Variants in TSC22D1 observed in about 807,000 individuals in gnomAD.
TSC22D1 encodes TSC22 domain family member 1, also known as TSC22 domain family protein 1.
Under a neutral mutation model 74.2 loss-of-function variants are expected in TSC22D1, and 9 were observed. That is an observed-to-expected ratio of 0.12 (90% confidence interval 0.07 to 0.21). The LOEUF (loss-of-function observed/expected upper bound fraction) is 0.21. Ranked by LOEUF, TSC22D1 falls within the 10% of genes least tolerant of loss-of-function variation. The pLI is 1.00. For synonymous variants in TSC22D1, 586 were observed against 492.5 expected (o/e 1.19, Z -2.51); for missense variants, 1,427 against 1,304.7 (o/e 1.09, Z -1.44).
At chr13:44,521,489 G>A (rs1212292335) in intron 1 of TSC22D1, among the ~76,000 whole-genome samples, 2 of 151,422 alleles carry the variant, frequency 1.3e-5, no homozygotes, top group Non-Finnish European at 2.9e-5. Context: ...CCCTCCACCC[G>A]GTCTTGATAG....
chr13:44,555,798 GA>G (rs984843518), intron 1 of TSC22D1, among the ~76,000 whole-genome samples: 4 of 150,848 alleles, frequency 2.7e-5, no homozygotes, highest in African/African-American at 9.7e-5. Context: ...AAGCTTGAGA[GA>G]AAAGCTTTTT....
chr13:44,540,599 T>G (rs1340597917), intron 1 of TSC22D1, among the ~76,000 whole-genome samples: 2 of 152,210 alleles, frequency 1.3e-5, no homozygotes, highest in Non-Finnish European at 2.9e-5. Flanking sequence ...AAAATCCTTT[T>G]TAAAATGCAT....
At chr13:44,545,027 A>G (rs1881729897) in intron 1 of TSC22D1, among the ~76,000 whole-genome samples, 1 of 152,210 alleles carries the variant, frequency 6.6e-6, no homozygotes, top group Non-Finnish European at 1.5e-5. Flanking sequence ...AGGGTCAAGA[A>G]AACTAAATAT....
chr13:44,489,186 G>A (rs1878586073), intron 1 of TSC22D1, among the ~76,000 whole-genome samples: 1 of 139,884 alleles, frequency 7.1e-6, no homozygotes, highest in Non-Finnish European at 1.5e-5. Flanking sequence ...AATTACTTTT[G>A]AGCCTTACCT....
intron 1 of TSC22D1, among the ~76,000 whole-genome samples, chr13:44,445,201 CAGAG>C (rs1191139468): frequency 6.7e-6 from 1 of 148,706 alleles, no homozygotes; most frequent in East Asian, 2.0e-4. Context: ...TGGAACAAAA[CAGAG>C]AGGTCAAAGA....
At chr13:44,532,226 G>C in intron 1 of TSC22D1, among the ~76,000 whole-genome samples, 1 of 152,112 alleles carries the variant, frequency 6.6e-6, no homozygotes, top group East Asian at 1.9e-4. Flanking sequence ...TTGCAGATAC[G>C]GACTACTAGC....
chr13:44,525,163 A>C (rs1880489563), intron 1 of TSC22D1, among the ~76,000 whole-genome samples: 1 of 152,186 alleles, frequency 6.6e-6, no homozygotes, highest in Non-Finnish European at 1.5e-5. Flanking sequence ...GCCCAGGGGC[A>C]CTGTCCCACA....
intron 1 of TSC22D1, chr13:44,537,126 T>C: frequency 1.1e-6 from 1 of 902,158 alleles, no homozygotes. Flanking sequence ...AAAATATTTA[T>C]TAGATTTCAA....
intron 1 of TSC22D1, chr13:44,474,132 A>T: frequency 3.3e-6 from 2 of 603,080 alleles, no homozygotes; most frequent in Non-Finnish European, 4.2e-6. Context: ...TTAGAAACCA[A>T]CTGCTTTTCA....
chr13:44,552,535 T>C (rs1300438808), intron 1 of TSC22D1, among the ~76,000 whole-genome samples: 1 of 152,184 alleles, frequency 6.6e-6, no homozygotes, highest in Non-Finnish European at 1.5e-5. Flanking sequence ...CTGCAAACCA[T>C]TTACAAAGAC....
chr13:44,521,404 A>C (rs1396589917), intron 1 of TSC22D1, among the ~76,000 whole-genome samples: 1 of 151,894 alleles, frequency 6.6e-6, no homozygotes, highest in Admixed American at 6.6e-5. Context: ...AATACAGCTC[A>C]TTCTTACTGT....
rs555672214 is a variant in TSC22D1 at position 44,535,062 on chromosome 13, C to A, written c.2912+38101G>T. On this transcript the variant is annotated intron_variant, in intron 1 of 2. Transcript: ENST00000458659. ...ACATGTTTCTAAATGCACTCCAAAGCCACACAAAAACAAATTTGTGGTTTA... is the reference window on the plus strand; with the variant it reads ...ACATGTTTCTAAATGCACTCCAAAGACACACAAAAACAAATTTGTGGTTTA... Among the ~76,000 whole-genome samples the A allele has an allele frequency of 2.6e-5, 4 of 152,248 alleles. No individual in the cohort carries two copies. The South Asian group carries it at 8.3e-4, about 32-fold the overall frequency.
chr13:44,534,301 T>C (rs1881023304), intron 1 of TSC22D1, among the ~76,000 whole-genome samples: 1 of 148,314 alleles, frequency 6.7e-6, no homozygotes, highest in Non-Finnish European at 1.5e-5. Flanking sequence ...AGAGGATCAC[T>C]TGGTGAACTA....
chr13:44,501,056 T>TAC (rs564129356), intron 1 of TSC22D1, among the ~76,000 whole-genome samples: 6 of 152,198 alleles, frequency 3.9e-5, no homozygotes, highest in Non-Finnish European at 7.4e-5. Flanking sequence ...TAAAGAACAC[T>TAC]ACATTCTCTG....
In TSC22D1 at chr13:44,574,618, C is replaced by A; in HGVS notation, c.1457G>T (p.Ser486Ile). ...TLSHYTESVG[S>I]GEMGAPTVVV... ...CACAGTAGGGGCTCCCATCTCTCCA[C>A]TTCCCACACTCTCTGTATAGTGACT... Residue 486 changes from serine to isoleucine, a missense_variant, in exon 1 of 3, where the codon AGT becomes ATT. By Grantham distance (142) the Ser-to-Ile change is moderately radical. Coordinates refer to ENST00000458659, the MANE Select transcript of TSC22D1 (RefSeq NM_183422.4). 6.2e-7 allele frequency: 1 copy of A among 1,614,114 alleles called. No individual in the cohort carries two copies. Among genetic ancestry groups the A allele is most frequent in the Non-Finnish European group, 8.5e-7 (1 of 1,180,034 alleles).
At chr13:44,570,830 A>C (rs898968190) in intron 1 of TSC22D1, among the ~76,000 whole-genome samples, 4 of 152,206 alleles carry the variant, frequency 2.6e-5, no homozygotes, top group Admixed American at 6.5e-5. Context: ...AAGGTTTTAA[A>C]AGTTTGTTTT....
At chr13:44,510,727 GA>G (rs1252700962) in intron 1 of TSC22D1, among the ~76,000 whole-genome samples, 3 of 152,044 alleles carry the variant, frequency 2.0e-5, no homozygotes, top group Non-Finnish European at 2.9e-5. Context: ...TGAGTAGCTG[GA>G]ACTACAGGAA....
intron 1 of TSC22D1, among the ~76,000 whole-genome samples, chr13:44,505,569 C>G (rs113009937): frequency 2.4e-4 from 37 of 152,080 alleles, no homozygotes; most frequent in African/African-American, 8.9e-4. Context: ...AAAATACATA[C>G]TATATATATT....
intron 1 of TSC22D1, among the ~76,000 whole-genome samples, chr13:44,446,883 T>A (rs968536233): frequency 2.7e-4 from 41 of 152,164 alleles, no homozygotes; most frequent in African/African-American, 8.9e-4. Flanking sequence ...AACATATTTT[T>A]AAATTTCTAT....
Sources: gnomAD v4.1 joint callset for allele counts (sites outside exome capture counted in the v4.1 genomes callset) on GRCh38, gnomAD v4.1.1 for gene constraint, MANE v1.5 for transcripts, NCBI Gene and HGNC (gene_info 2026-07-23, HGNC 2026-07-21) for gene names.